VDR: variants seen among roughly 807,000 people sequenced by gnomAD.
VDR encodes vitamin D3 receptor.
In VDR, 19 loss-of-function variants were observed where a neutral mutation model predicts 39.7. The ratio of observed to expected loss-of-function variants is 0.48; its 90% CI spans 0.33 to 0.70. The LOEUF is 0.70. Among genes scored for constraint, VDR ranks in the 30% least tolerant of loss-of-function variants. VDR has a pLI of 0.02. For synonymous variants in VDR, 242 were observed against 215.8 expected (o/e 1.12, Z -1.07); for missense variants, 442 against 570.5 (o/e 0.77, Z 2.29).
chr12:47,875,727 G>A (rs1945986418), intron 3 of VDR, among the ~76,000 whole-genome samples: 1 of 152,204 alleles, frequency 6.6e-6, no homozygotes, highest in African/African-American at 2.4e-5. Context: ...GTTCCTGGAG[G>A]AAACACAGGG....
intron 9 of VDR, among the ~76,000 whole-genome samples, 197 bp from the exon 10 acceptor site, chr12:47,845,202 C>T (rs997468752): frequency 2.0e-5 from 3 of 151,884 alleles, no homozygotes; most frequent in Admixed American, 6.6e-5. Context: ...AGGATCCAGA[C>T]CTAGGTCCTT....
chr12:47,842,087 TC>T lies in VDR; in HGVS notation c.*2658del, dbSNP rs886049413. On this transcript the variant is annotated 3_prime_UTR_variant, in exon 10 of 10. Transcript: ENST00000549336. Reference sequence around the variant, plus strand: ...CTGAGTAACTGATATTTCCAGGAGTTCCCCGAAGAAGGCAGGGCCAGAGGGA... The same window carrying T: ...CTGAGTAACTGATATTTCCAGGAGTTCCCGAAGAAGGCAGGGCCAGAGGGA... 1 of 152,438 alleles carries T rather than the reference TC, an allele frequency of 6.6e-6. No individual in the cohort carries two copies. Among genetic ancestry groups the T allele is most frequent in the Admixed American group, 6.5e-5 (1 of 15,276 alleles). The allele number at this position is 152,438 out of a possible 1,614,324, so 9.4% of individuals were successfully genotyped here.
Position 47,841,851 on chromosome 12 carries a change from C to G in VDR, c.*2895G>C, listed in dbSNP as rs571401060. 1 of 152,470 alleles carries G rather than the reference C, an allele frequency of 6.6e-6. No homozygotes were observed. Among genetic ancestry groups the G allele is most frequent in the East Asian group, 1.9e-4 (1 of 5,330 alleles). 9.4% of individuals were successfully genotyped at this position (152,470 alleles called of 1,614,324 possible). A position where few individuals can be genotyped will look rare whatever the true frequency, so the allele number is the denominator to read the frequency against. On this transcript the variant is annotated 3_prime_UTR_variant, in exon 10 of 10. Coordinates refer to ENST00000549336, the MANE Select transcript of VDR (RefSeq NM_000376.3). ...TCTGGGAATCTTGTGGAAAATCTTG[C>G]ATTTTGGGGCACCTTCTCCTTCAGT...
At chr12:47,863,804 G>A (rs375473589) in intron 4 of VDR, among the ~76,000 whole-genome samples, 5 of 152,322 alleles carry the variant, frequency 3.3e-5, no homozygotes, top group East Asian at 1.9e-4. Context: ...ACCCACAGAA[G>A]AGAAGCCTAG....
At chr12:47,870,548 T>G (rs1390321664) in intron 3 of VDR, among the ~76,000 whole-genome samples, 1 of 152,136 alleles carries the variant, frequency 6.6e-6, no homozygotes, top group Non-Finnish European at 1.5e-5. Context: ...GAGAGGACAT[T>G]GACCGATTCT....
At chr12:47,883,453 A>C (rs1946197634) in intron 1 of VDR, among the ~76,000 whole-genome samples, 3 of 152,196 alleles carry the variant, frequency 2.0e-5, no homozygotes, top group Admixed American at 2.0e-4. Context: ...TCTTCCCCAG[A>C]CATGCTCAAC....
chr12:47,904,870 G>T, intron 1 of VDR, 85 bp downstream of exon 1: 1 of 339,224 alleles, frequency 2.9e-6, no homozygotes, highest in East Asian at 5.0e-5. Flanking sequence ...GCTCGCAGCC[G>T]GGCGCTCAGG....
intron 1 of VDR, 154 bp from the exon 2 acceptor site, chr12:47,882,928 A>G (rs1430439654): frequency 1.7e-6 from 1 of 585,010 alleles, no homozygotes; most frequent in Non-Finnish European, 2.9e-6. Context: ...CAGGCATGCC[A>G]TGTCATCGCT....
intron 6 of VDR, among the ~76,000 whole-genome samples, 162 bp from the exon 7 acceptor site, chr12:47,855,963 A>C (rs1945480102): frequency 6.6e-6 from 1 of 152,116 alleles, no homozygotes; most frequent in Non-Finnish European, 1.5e-5. Flanking sequence ...TCCCTCTGGG[A>C]CTCTCTCTGC....
intron 3 of VDR, among the ~76,000 whole-genome samples, chr12:47,870,814 CTA>C (rs1945838432): frequency 6.6e-6 from 1 of 152,210 alleles, no homozygotes; most frequent in Admixed American, 6.5e-5. Flanking sequence ...GATCTGAAAG[CTA>C]TGTGAGGTGC....
At chr12:47,880,376 A>G (rs1164963675) in intron 2 of VDR, among the ~76,000 whole-genome samples, 1 of 152,164 alleles carries the variant, frequency 6.6e-6, no homozygotes, top group Non-Finnish European at 1.5e-5. Flanking sequence ...ATCAAAGCTC[A>G]TTAAGTCTTA....
At chr12:47,858,289 G>A (rs560062055) in intron 4 of VDR, among the ~76,000 whole-genome samples, 61 of 152,348 alleles carry the variant, frequency 4.0e-4, no homozygotes, top group Non-Finnish European at 6.9e-4. Flanking sequence ...AGCGCTGGAA[G>A]TGAGATGTGG....
chr12:47,848,947 C>A (rs1427195288), intron 7 of VDR, among the ~76,000 whole-genome samples: 1 of 152,144 alleles, frequency 6.6e-6, no homozygotes, highest in Non-Finnish European at 1.5e-5. Flanking sequence ...ACACACTGAC[C>A]ATTGAGCCGT....
In VDR at chr12:47,878,949, G is replaced by A. The variant is rs377685672; in HGVS notation, c.146+19C>T. On this transcript the variant is annotated intron_variant, in intron 3 of 9. Transcript: ENST00000549336. ...TCTCCCTCCCTTTCCACTGGGGAGA[G>A]CCTGGGAGGAGGGCTCACCTGAAGA... 18 of 1,614,048 alleles carry A rather than the reference G, an allele frequency of 1.1e-5. No homozygotes were observed. The African/African-American group carries it at 1.5e-4, about 13-fold the overall frequency.
chr12:47,847,383 A>G (rs1180378259), intron 7 of VDR, among the ~76,000 whole-genome samples: 9 of 151,776 alleles, frequency 5.9e-5, no homozygotes, highest in African/African-American at 1.9e-4. Context: ...CTTTCTTACC[A>G]CTGCTGCAGG....
In VDR at chr12:47,876,454, G is replaced by A. The variant is rs183857066; in HGVS notation, c.146+2514C>T. Among the ~76,000 whole-genome samples, 15 of 152,322 alleles carry A rather than the reference G, an allele frequency of 9.8e-5. No homozygotes were observed. The East Asian group carries it at 2.7e-3, about 27-fold the overall frequency. On this transcript the variant is annotated intron_variant, in intron 3 of 9. Coordinates refer to ENST00000549336, the MANE Select transcript of VDR (RefSeq NM_000376.3). ...GCAGCCTAGCTTAGTCATCAAGACA[G>A]AGACAGTAAAGATCTAAGTAAGGTA...
intron 4 of VDR, among the ~76,000 whole-genome samples, chr12:47,863,427 C>T (rs373001672): frequency 3.3e-5 from 5 of 152,350 alleles, no homozygotes; most frequent in East Asian, 1.9e-4. Flanking sequence ...GCAGTGGAAC[C>T]TCGTGCCAGT....
At chr12:47,878,738 C>G in intron 3 of VDR, 1 of 699,490 alleles carries the variant, frequency 1.4e-6, no homozygotes, top group East Asian at 3.1e-5. Flanking sequence ...ACCCACACAG[C>G]AACCTCAGGA....
Position 47,857,143 on chromosome 12 carries a change from C to T in VDR, c.569G>A (p.Cys190Tyr), listed in dbSNP as rs1310678797. ...GTCCTGCTTACCTGAAGAGGTGATACAGTGATCTGAGCAGGAGGAGGAGGA... is the reference window on the plus strand; with the variant it reads ...GTCCTGCTTACCTGAAGAGGTGATATAGTGATCTGAGCAGGAGGAGGAGGA... ...GDSSSSCSDHCITSSDMMDSS... is the reference protein window; with the variant it reads ...GDSSSSCSDHYITSSDMMDSS... The change falls in exon 6 of 10, where the codon TGT becomes TAT. Residue 190 changes from cysteine (C) to tyrosine (Y), a missense_variant. By Grantham distance (194) the Cys-to-Tyr change is radical. Coordinates refer to ENST00000549336, the MANE Select transcript of VDR (RefSeq NM_000376.3). The T allele has an allele frequency of 6.2e-7, 1 of 1,614,054 alleles. No homozygotes were observed. Among genetic ancestry groups the T allele is most frequent in the Non-Finnish European group, 8.5e-7 (1 of 1,180,020 alleles).
Sources: gnomAD v4.1 joint callset for allele counts (sites outside exome capture counted in the v4.1 genomes callset) on GRCh38, gnomAD v4.1.1 for gene constraint, MANE v1.5 for transcripts, NCBI Gene and HGNC (gene_info 2026-07-23, HGNC 2026-07-21) for gene names.